The following PACRGL variants were observed in gnomAD, a reference collection of about 807,000 sequenced individuals.
The protein encoded by PACRGL is PACRG-like protein.
In PACRGL, 38 loss-of-function variants were observed where a neutral mutation model predicts 34.5. That is an observed-to-expected ratio of 1.10 (90% CI 0.85 to 1.44). PACRGL has a LOEUF of 1.44. PACRGL is among the 40% of genes most tolerant of loss of function. PACRGL has a pLI of 0.00. For missense variants in PACRGL, 305 were observed against 281.4 expected, an observed-to-expected ratio of 1.08 and a Z score of -0.60; for synonymous variants, 128 against 100.1, an observed-to-expected ratio of 1.28 and a Z score of -1.66.
chr4:20,715,876 A>G (rs1560332042), intron 7 of PACRGL, among the ~76,000 whole-genome samples: 1 of 152,132 alleles, frequency 6.6e-6, no homozygotes, highest in African/African-American at 2.4e-5. Context: ...AAAAAAAACC[A>G]AAAGTCGAAT....
At chr4:20,733,317 C>G (rs1342884649), downstream of PACRGL, among the ~76,000 whole-genome samples, 1 of 151,890 alleles carries the variant, frequency 6.6e-6, no homozygotes, top group Non-Finnish European at 1.5e-5. Context: ...AAATTTTGAC[C>G]CTGGGAAACA....
rs777260158 is a variant in PACRGL at position 20,728,468 on chromosome 4, A to G, written c.*1127A>G. On this transcript the variant is annotated 3_prime_UTR_variant, in exon 9 of 9. Coordinates refer to ENST00000503585, the MANE Select transcript of PACRGL (RefSeq NM_001258345.3). ...ATAGAAGCAATTCCCTCTGGCTACA[A>G]CAGCTGCCTGCCTGCTGGCCTTGCT... is the stretch of plus-strand genomic sequence containing the variant. 4.6e-5 allele frequency: 7 copies of G among 152,246 alleles called. No individual in the cohort carries two copies. Among genetic ancestry groups the G allele is most frequent in the African/African-American group, 7.2e-5 (3 of 41,452 alleles). The allele number at this position is 152,246 out of a possible 1,614,324, so 9.4% of individuals were successfully genotyped here. A position where few individuals can be genotyped will look rare whatever the true frequency, so the allele number is the denominator to read the frequency against.
the PACRGL span, chr4:20,767,271 TATC>T: frequency 2.6e-5 from 4 of 152,180 alleles, no homozygotes; most frequent in Admixed American, 6.6e-5. Context: ...CTCTATCTAA[TATC>T]ATCAGAATTT....
At chr4:20,720,198 C>T (rs567958598) in intron 7 of PACRGL, among the ~76,000 whole-genome samples, 1 of 152,236 alleles carries the variant, frequency 6.6e-6, no homozygotes, top group African/African-American at 2.4e-5. Context: ...CTTCCTCCAT[C>T]CTTTTATTTT....
chr4:20,727,151 C>CTTATTTCATCATTTTG, intron 8 of PACRGL, 134 bp from the exon 9 acceptor site: 1 of 713,870 alleles, frequency 1.4e-6, no homozygotes, highest in East Asian at 2.5e-5. Context: ...AAAAGTCCTT[C>CTTATTTCATCATTTTG]TTATTTCATC....
chr4:20,713,993 T>G (rs1470758679), intron 7 of PACRGL, among the ~76,000 whole-genome samples: 3 of 152,122 alleles, frequency 2.0e-5, no homozygotes, highest in South Asian at 2.1e-4. Flanking sequence ...GGGTGGAGAG[T>G]TCTGTAGATG....
intron 7 of PACRGL, among the ~76,000 whole-genome samples, chr4:20,716,820 A>G (rs1485677612): frequency 1.3e-5 from 2 of 152,200 alleles, no homozygotes; most frequent in African/African-American, 4.8e-5. Flanking sequence ...TTATAGCAAC[A>G]TGTTTTATAA....
intron 6 of PACRGL, chr4:20,713,172 A>T (rs1738118061): frequency 3.7e-6 from 2 of 539,098 alleles, no homozygotes; most frequent in African/African-American, 3.8e-5. Flanking sequence ...GGAAGTAATG[A>T]ACCTCAAATC....
chr4:20,715,274 G>T (rs950581521), intron 7 of PACRGL, among the ~76,000 whole-genome samples: 2 of 151,964 alleles, frequency 1.3e-5, no homozygotes, highest in Non-Finnish European at 2.9e-5. Context: ...GGACTGTTGT[G>T]GGGTGGGAGT....
At chr4:20,709,917 T>G in intron 5 of PACRGL, 144 bp downstream of exon 5, 1 of 598,954 alleles carries the variant, frequency 1.7e-6, no homozygotes, top group South Asian at 2.1e-5. Context: ...CACACACCCT[T>G]AGGAATGAAT....
At chr4:20,717,446 T>C (rs1420092048) in intron 7 of PACRGL, among the ~76,000 whole-genome samples, 24 of 152,204 alleles carry the variant, frequency 1.6e-4, no homozygotes, top group Non-Finnish European at 1.9e-4. Flanking sequence ...AGGTTTTCTT[T>C]TAGGGTTTTT....
chr4:20,750,454 C>CG (rs1753411096), intron 8 of PACRGL, among the ~76,000 whole-genome samples: 1 of 152,128 alleles, frequency 6.6e-6, no homozygotes, highest in Non-Finnish European at 1.5e-5. Flanking sequence ...GGAGCCCCTA[C>CG]TCTGTCTGGG....
chr4:20,732,615 G>A, downstream of PACRGL: 3 of 948,538 alleles, frequency 3.2e-6, no homozygotes, highest in African/African-American at 3.2e-5. Context: ...TCATCGTGGT[G>A]CATGGCAAAC....
At chr4:20,707,895 G>T in intron 4 of PACRGL, 25 bp downstream of exon 4, 1 of 1,520,674 alleles carries the variant, frequency 6.6e-7, no homozygotes, top group South Asian at 1.1e-5. Flanking sequence ...ATTTATAACT[G>T]ACCAAATTAT....
rs1268869260 is a variant in PACRGL, at chr4:20,730,185, A to G, written c.*2844A>G. The stretch of plus-strand genomic sequence containing the variant: ...TCAGCATATCTGCAAGGAAAAGTAC[A>G]CTATTTTGCCCCTGAGTATTGCCTC... On this transcript the variant is annotated 3_prime_UTR_variant, in exon 9 of 9. Transcript: ENST00000503585. 1.9e-6 allele frequency: 3 copies of G among 1,551,354 alleles called. No homozygotes were observed. Among genetic ancestry groups the G allele is most frequent in the Middle Eastern group, 1.7e-4 (1 of 5,774 alleles).
At chr4:20,740,931 G>C (rs6831523) in intron 8 of PACRGL, among the ~76,000 whole-genome samples, 25,403 of 152,066 alleles carry the variant, frequency 0.17, 2,215 homozygotes, top group Middle Eastern at 0.23. Flanking sequence ...CCTAGTCTCT[G>C]ATAAAACAGA....
At chr4:20,744,755 C>T (rs2149319239) in intron 8 of PACRGL, among the ~76,000 whole-genome samples, 1 of 152,012 alleles carries the variant, frequency 6.6e-6, no homozygotes, top group African/African-American at 2.4e-5. Context: ...TACCCTAGAA[C>T]TTAAAGAATA....
At chr4:20,760,305 C>A in the PACRGL span, among the ~76,000 whole-genome samples, 2 of 152,314 alleles carry the variant, frequency 1.3e-5, no homozygotes, top group South Asian at 4.1e-4. Context: ...AACTCCCCAA[C>A]AGACCTGACT....
chr4:20,702,828 A>G (rs185849808), intron 1 of PACRGL: 4 of 152,380 alleles, frequency 2.6e-5, no homozygotes, highest in Non-Finnish European at 2.9e-5. Flanking sequence ...GTAGTATTAG[A>G]AAATGGCCCT....
Sources: gnomAD v4.1 joint callset for allele counts (sites outside exome capture counted in the v4.1 genomes callset) on GRCh38, gnomAD v4.1.1 for gene constraint, MANE v1.5 for transcripts, NCBI Gene and HGNC (gene_info 2026-07-23, HGNC 2026-07-21) for gene names.